Variants in NTNG1 observed in about 807,000 individuals in gnomAD.
The protein encoded by NTNG1 is netrin-G1.
Under a neutral mutation model 54.0 loss-of-function variants are expected in NTNG1, and 16 were observed. The observed-to-expected ratio is 0.30, with a 90% CI of 0.20 to 0.45. The LOEUF is 0.45. NTNG1 is among the 20% of genes least tolerant of loss of function. The probability of loss-of-function intolerance (pLI) is 1.00; values close to 1 mark genes in which losing one functional copy is unlikely to be tolerated. For synonymous variants in NTNG1, 255 were observed against 263.1 expected (o/e 0.97, Z 0.30); for missense variants, 530 against 678.7 (o/e 0.78, Z 2.43).
At chr1:107,196,623 A>T (rs1658351598) in intron 2 of NTNG1, among the ~76,000 whole-genome samples, 1 of 151,940 alleles carries the variant, frequency 6.6e-6, no homozygotes, top group South Asian at 2.1e-4. Flanking sequence ...TCCTGTGAGG[A>T]GTACAGTAAA....
At chr1:107,453,392 G>T (rs1398106540) in intron 7 of NTNG1, among the ~76,000 whole-genome samples, 3 of 152,092 alleles carry the variant, frequency 2.0e-5, no homozygotes, top group African/African-American at 7.2e-5. Flanking sequence ...CAGTCAAAAA[G>T]GACACTACAA....
chr1:107,474,965 A>G (rs1044128412), intron 7 of NTNG1, among the ~76,000 whole-genome samples: 1 of 152,238 alleles, frequency 6.6e-6, no homozygotes, highest in Non-Finnish European at 1.5e-5. Context: ...ATGACAGTGT[A>G]AATGCAGACA....
intron 2 of NTNG1, among the ~76,000 whole-genome samples, chr1:107,167,485 T>C (rs1307826007): frequency 6.6e-6 from 1 of 151,760 alleles, no homozygotes; most frequent in Admixed American, 6.6e-5. Flanking sequence ...AAATAATATG[T>C]ATTTTTATAT....
chr1:107,243,635 G>A (rs1489845449), intron 2 of NTNG1, among the ~76,000 whole-genome samples: 2 of 152,100 alleles, frequency 1.3e-5, no homozygotes, highest in African/African-American at 4.8e-5. Flanking sequence ...AGGCACGGTC[G>A]TAGTGTGCAC....
intron 2 of NTNG1, among the ~76,000 whole-genome samples, chr1:107,183,133 G>A (rs1657194734): frequency 6.6e-6 from 1 of 152,148 alleles, no homozygotes; most frequent in South Asian, 2.1e-4. Flanking sequence ...TGCTGGAAGA[G>A]GTCATCACAA....
chr1:107,480,576 G>GCCC, intron 7 of NTNG1, 35 bp from the exon 8 acceptor site: 2 of 339,096 alleles, frequency 5.9e-6, no homozygotes, highest in Admixed American at 4.2e-5. Flanking sequence ...TCCTCCCCGC[G>GCCC]CCCACCCACC....
At chr1:107,160,884 C>T (rs1408224337) in intron 2 of NTNG1, among the ~76,000 whole-genome samples, 1 of 152,128 alleles carries the variant, frequency 6.6e-6, no homozygotes, top group Non-Finnish European at 1.5e-5. Flanking sequence ...AAGGGGCCTA[C>T]CTGACCACCC....
chr1:107,322,228 C>A (rs1385758449), intron 2 of NTNG1, among the ~76,000 whole-genome samples: 1 of 152,074 alleles, frequency 6.6e-6, no homozygotes, highest in Non-Finnish European at 1.5e-5. Flanking sequence ...TGAAGGCAAA[C>A]AAATGTTATC....
chr1:107,178,490 C>G (rs1656819247), intron 2 of NTNG1, among the ~76,000 whole-genome samples: 1 of 151,700 alleles, frequency 6.6e-6, no homozygotes, highest in African/African-American at 2.4e-5. Context: ...CATTGTTGTC[C>G]TAGGTAGGAC....
rs111920365 is a variant in NTNG1, at chr1:107,476,897, T to C, written c.1391-3714T>C. Among the ~76,000 whole-genome samples the C allele has an allele frequency of 2.8e-4, 42 of 152,358 alleles. 1 individual carries two copies. The highest frequency in any genetic ancestry group is 1.0e-3 in the African/African-American group (42 of 41,590). ...GCAGTCCATGCATCATTCACTAATG[T>C]GTCTTTCAGTTGGGCTTCAGGCAGA... On this transcript the variant is annotated intron_variant, in intron 7 of 7. Transcript: ENST00000370068.
intron 3 of NTNG1, among the ~76,000 whole-genome samples, chr1:107,362,439 G>A (rs1670355716): frequency 6.6e-6 from 1 of 152,214 alleles, no homozygotes; most frequent in South Asian, 2.1e-4. Flanking sequence ...TTACTGGAAA[G>A]CTAAGTGTTC....
chr1:107,240,144 A>G (rs145232926), intron 2 of NTNG1, among the ~76,000 whole-genome samples: 213 of 152,328 alleles, frequency 1.4e-3, no homozygotes, highest in African/African-American at 4.9e-3. Context: ...AGAAACAACT[A>G]CAAAATTGCT....
intron 3 of NTNG1, among the ~76,000 whole-genome samples, chr1:107,361,401 T>TG (rs1300463368): frequency 4.6e-5 from 6 of 131,080 alleles, no homozygotes; most frequent in Non-Finnish European, 8.1e-5. Context: ...ATTTTTTTTT[T>TG]TTTTTGAGAC....
chr1:107,313,844 C>A (rs1358428637), intron 2 of NTNG1, among the ~76,000 whole-genome samples: 1 of 152,004 alleles, frequency 6.6e-6, no homozygotes, highest in African/African-American at 2.4e-5. Context: ...TTTTATAATT[C>A]TTTTAAGTGG....
rs576034528 is a variant in NTNG1 at position 107,483,386 on chromosome 1, G to T, written c.*2546G>T. ...ATTGATGAGGAATATCTTTCATTCC[G>T]TGTATTTAGATATAGTTTTCTGAAT... On this transcript the variant is annotated 3_prime_UTR_variant, in exon 8 of 8. Transcript: ENST00000370068. 1.3e-5 allele frequency: 2 copies of T among 152,158 alleles called. No individual in the cohort carries two copies. The highest frequency in any genetic ancestry group is 6.5e-5 in the Admixed American group (1 of 15,278). 9.4% of individuals were successfully genotyped at this position (152,158 alleles called of 1,614,324 possible). A position where few individuals can be genotyped will look rare whatever the true frequency, so the allele number is the denominator to read the frequency against.
chr1:107,234,639 G>A (rs1661287598), intron 2 of NTNG1, among the ~76,000 whole-genome samples: 1 of 152,122 alleles, frequency 6.6e-6, no homozygotes, highest in Non-Finnish European at 1.5e-5. Flanking sequence ...AGATGATACA[G>A]CCAAAAAATT....
chr1:107,285,039 T>A (rs1424748206), intron 2 of NTNG1, among the ~76,000 whole-genome samples: 1 of 152,090 alleles, frequency 6.6e-6, no homozygotes, highest in Non-Finnish European at 1.5e-5. Flanking sequence ...TTTTGACCTA[T>A]ATTAAGTTTT....
At chr1:107,206,945 G>C (rs530992346) in intron 2 of NTNG1, among the ~76,000 whole-genome samples, 1 of 152,228 alleles carries the variant, frequency 6.6e-6, no homozygotes, top group Admixed American at 6.5e-5. Flanking sequence ...CTGATGTATA[G>C]TACTTTAAGT....
intron 7 of NTNG1, among the ~76,000 whole-genome samples, chr1:107,472,607 G>A (rs1678054900): frequency 6.6e-6 from 1 of 152,152 alleles, no homozygotes; most frequent in Non-Finnish European, 1.5e-5. Context: ...TGACTAGTGA[G>A]ACCCAGATCT....
Sources: allele counts gnomAD v4.1 joint callset (sites outside exome capture counted in the v4.1 genomes callset), GRCh38; gene constraint gnomAD v4.1.1; transcripts MANE v1.5; gene names NCBI Gene and HGNC (gene_info 2026-07-23, HGNC 2026-07-21).